The following DNAI3 variants were observed in gnomAD, a reference collection of about 807,000 sequenced individuals.
DNAI3 encodes WD repeat domain 63.
DNAI3 carries 83 observed loss-of-function variants against 115.5 expected under a neutral mutation model. That is an observed-to-expected ratio of 0.72 (90% CI 0.60 to 0.86). The LOEUF (loss-of-function observed/expected upper bound fraction) is 0.86. DNAI3 is among the 40% of genes least tolerant of loss of function. The pLI is 0.00. For missense variants in DNAI3, 1,004 were observed against 1,075.8 expected (o/e 0.93, Z 0.93); for synonymous variants, 320 against 347.0 (o/e 0.92, Z 0.86).
Position 85,126,774 on chromosome 1 carries a change from C to T in DNAI3, c.2317+59C>T, listed in dbSNP as rs1225503753. The T allele has an allele frequency of 2.5e-6, 4 of 1,583,390 alleles. No individual in the cohort carries two copies. In the Admixed American group the frequency reaches 5.1e-5, roughly 20 times the overall value. On this transcript the variant is annotated intron_variant, in intron 20 of 22. Transcript: ENST00000294664. ...TTTGGGTAACTCGGGAACATCTTGA[C>T]ATTCATCTGAAAAGCCTCCAATGTT...
At position 85,121,262 on chromosome 1, in the gene DNAI3, GC is replaced by G. The variant is rs145494578; in HGVS notation, c.1918-488del. 8.2e-3 allele frequency among the ~76,000 whole-genome samples: 1,246 copies of G among 152,264 alleles called. 8 individuals are homozygous for G. Among genetic ancestry groups the G allele is most frequent in the Non-Finnish European group, 0.015 (993 of 68,018 alleles). Reference sequence around the variant, plus strand: ...GACAGAATAAGAATACATATCGCTTGCTATTTTATTTAGATTGAACTTTATG... The same window carrying G: ...GACAGAATAAGAATACATATCGCTTGTATTTTATTTAGATTGAACTTTATG... On this transcript the variant is annotated intron_variant, in intron 17 of 22. Transcript: ENST00000294664.
chr1:85,133,071 T>C lies in DNAI3; in HGVS notation c.*73T>C, dbSNP rs984529187. The C allele has an allele frequency of 1.9e-5, 28 of 1,480,294 alleles. No homozygotes were observed. Among genetic ancestry groups the C allele is most frequent in the Non-Finnish European group, 2.4e-5 (26 of 1,099,304 alleles). The allele number at this position is 1,480,294 out of a possible 1,614,324, so 91.7% of individuals were successfully genotyped here. A position where few individuals can be genotyped will look rare whatever the true frequency, so the allele number is the denominator to read the frequency against. ...TTTTATGTCAGGTGAACTGGCATGC[T>C]GAACATATATATATATAGGCTCATT... On this transcript the variant is annotated 3_prime_UTR_variant, in exon 23 of 23. Transcript: ENST00000294664.
At chr1:85,072,969 A>AAG (rs1553165218) in intron 2 of DNAI3, 85 bp from the exon 3 acceptor site, 1 of 834,954 alleles carries the variant, frequency 1.2e-6, no homozygotes, top group East Asian at 3.4e-5. Context: ...AAAAAAAAAA[A>AAG]AAAAAGAAGA....
intron 13 of DNAI3, among the ~76,000 whole-genome samples, chr1:85,102,789 G>C (rs1399314956): frequency 1.3e-5 from 2 of 152,128 alleles, no homozygotes; most frequent in Non-Finnish European, 2.9e-5. Context: ...TCATGTCACA[G>C]TGTTTCCATG....
In DNAI3 at chr1:85,098,488, C is replaced by T. The variant is rs1212145276; in HGVS notation, c.1351-42C>T. On this transcript the variant is annotated intron_variant, in intron 12 of 22. Coordinates refer to ENST00000294664, the MANE Select transcript of DNAI3 (RefSeq NM_145172.5). Reference sequence around the variant, plus strand: ...AGTAAAGTATGAGTTCATTCATCAGCCCTCTGAAATTAGCACTTAACTTTC... The same window carrying T: ...AGTAAAGTATGAGTTCATTCATCAGTCCTCTGAAATTAGCACTTAACTTTC... 5 of 1,599,792 alleles carry T rather than the reference C, an allele frequency of 3.1e-6. No homozygotes were observed. In the East Asian group the frequency reaches 9.0e-5, roughly 29 times the overall value.
intron 8 of DNAI3, 100 bp downstream of exon 8, chr1:85,090,332 A>AT (rs1381202030): frequency 5.3e-6 from 3 of 564,198 alleles, no homozygotes; most frequent in African/African-American, 1.9e-5. Context: ...GGGTATCTAG[A>AT]TAAAAAGTAT....
chr1:85,124,319 G>C (rs1656071664), intron 19 of DNAI3, 68 bp downstream of exon 19: 2 of 1,606,124 alleles, frequency 1.2e-6, no homozygotes, highest in Non-Finnish European at 1.7e-6. Context: ...AAGAGGAACT[G>C]TTATGTTCTG....
intron 16 of DNAI3, among the ~76,000 whole-genome samples, chr1:85,116,747 CT>C (rs893697795): frequency 1.8e-4 from 28 of 152,064 alleles, no homozygotes; most frequent in African/African-American, 6.5e-4. Context: ...TTGGTTTACA[CT>C]TTGTAATACA....
Position 85,126,607 on chromosome 1 carries a change from G to T in DNAI3, c.2209G>T (p.Asp737Tyr). ...CGGAGTTTTCTACATCGGCCGAGAA[G>T]ATGGATACATTGATATCTGGGACCT... ...RPGVFYIGRE[D>Y]GYIDIWDLLE... is the part of the protein sequence containing the mutation. The change falls in exon 20 of 23, where the codon GAT (aspartate) becomes TAT (tyrosine). Residue 737 changes from aspartate to tyrosine, a missense_variant. Physicochemically the swap from Asp to Tyr is radical, Grantham distance 160 (BLOSUM62 -3). Transcript: ENST00000294664. 6.2e-7 allele frequency: 1 copy of T among 1,614,168 alleles called. No homozygotes were observed. The highest frequency in any genetic ancestry group is 8.5e-7 in the Non-Finnish European group (1 of 1,180,018).
At chr1:85,064,783 A>C (rs1347873484) in intron 1 of DNAI3, among the ~76,000 whole-genome samples, 1 of 152,160 alleles carries the variant, frequency 6.6e-6, no homozygotes, top group African/African-American at 2.4e-5. Context: ...CTGTAATCCC[A>C]GCACTTTGGG....
intron 3 of DNAI3, 140 bp downstream of exon 3, chr1:85,073,232 A>G (rs1571155906): frequency 1.8e-6 from 1 of 547,182 alleles, no homozygotes; most frequent in East Asian, 3.6e-5. Flanking sequence ...CATTTAGAAT[A>G]TAAAATGAAA....
intron 8 of DNAI3, among the ~76,000 whole-genome samples, chr1:85,090,798 A>G (rs1361499307): frequency 6.6e-6 from 1 of 152,154 alleles, no homozygotes; most frequent in Non-Finnish European, 1.5e-5. Flanking sequence ...CTTCTAAACC[A>G]GAGAAACAGC....
chr1:85,130,720 A>ATAG (rs1656296779), intron 22 of DNAI3, among the ~76,000 whole-genome samples: 1 of 142,794 alleles, frequency 7.0e-6, no homozygotes. Context: ...TAGATAGATA[A>ATAG]ATAGATATGA....
intron 18 of DNAI3, 113 bp from the exon 19 acceptor site, chr1:85,124,008 T>TCC (rs1355360549): frequency 3.6e-6 from 5 of 1,384,562 alleles, no homozygotes; most frequent in Non-Finnish European, 4.9e-6. Context: ...GGTTCTCCAC[T>TCC]CCCCGACCCC....
intron 17 of DNAI3, 33 bp from the exon 18 acceptor site, chr1:85,121,718 A>T: frequency 6.2e-7 from 1 of 1,602,146 alleles, no homozygotes; most frequent in Non-Finnish European, 8.5e-7. Context: ...TTAAGTTGTC[A>T]TTGTACTCAT....
chr1:85,098,068 G>A (rs1483770219), intron 12 of DNAI3, among the ~76,000 whole-genome samples: 1 of 152,066 alleles, frequency 6.6e-6, no homozygotes, highest in Non-Finnish European at 1.5e-5. Context: ...AAAATGAAGG[G>A]GTTACATCAT....
chr1:85,121,721 G>A lies in DNAI3; in HGVS notation c.1918-30G>A, dbSNP rs774896475. 18 of 1,603,952 alleles carry A rather than the reference G, an allele frequency of 1.1e-5. 1 individual carries two copies. In the South Asian group the frequency reaches 1.9e-4, roughly 17 times the overall value. ...GTCTTTTGTCTCTTAAGTTGTCATT[G>A]TACTCATCAGGAACCTGTAATATTT... On this transcript the variant is annotated intron_variant, in intron 17 of 22. Transcript: ENST00000294664.
chr1:85,090,801 GA>G (rs1331830722), intron 8 of DNAI3, among the ~76,000 whole-genome samples: 1 of 152,142 alleles, frequency 6.6e-6, no homozygotes, highest in Non-Finnish European at 1.5e-5. Flanking sequence ...CTAAACCAGA[GA>G]AACAGCTTGA....
intron 13 of DNAI3, 132 bp from the exon 14 acceptor site, chr1:85,104,392 A>T (rs1655423816): frequency 4.5e-6 from 3 of 669,606 alleles, no homozygotes; most frequent in Non-Finnish European, 7.6e-6. Context: ...GAATGCTGGG[A>T]TTACAGGCGT....
Sources: gnomAD v4.1 joint callset for allele counts (sites outside exome capture counted in the v4.1 genomes callset) on GRCh38, gnomAD v4.1.1 for gene constraint, MANE v1.5 for transcripts, NCBI Gene and HGNC (gene_info 2026-07-23, HGNC 2026-07-21) for gene names.